KDM1B: variants seen among roughly 807,000 people sequenced by gnomAD.
The protein encoded by KDM1B is lysine-specific histone demethylase 2.
Under a neutral mutation model 107.4 loss-of-function variants are expected in KDM1B, and 63 were observed. The ratio of observed to expected loss-of-function variants is 0.59; its 90% CI spans 0.48 to 0.72. The LOEUF (loss-of-function observed/expected upper bound fraction) is 0.72, where lower values mean the gene tolerates loss of function less well. KDM1B is among the 30% of genes least tolerant of loss of function. KDM1B has a pLI of 0.00. For missense variants in KDM1B, 749 were observed against 1,020.8 expected (o/e 0.73, Z 3.63); for synonymous variants, 363 against 363.9 (o/e 1.00, Z 0.03).
intron 7 of KDM1B, among the ~76,000 whole-genome samples, chr6:18,184,760 T>TTTTTTTTA (rs60640799): frequency 1.5e-5 from 2 of 130,826 alleles, no homozygotes; most frequent in Non-Finnish European, 3.2e-5. Context: ...TTTTTTTTTT[T>TTTTTTTTA]AAGACAAGGT....
Position 18,169,807 on chromosome 6 carries a change from G to A in KDM1B, c.418-1556G>A, listed in dbSNP as rs1785539274. ...TTTTATCTATTTTGAATTAATATTT[G>A]TATATGTGTAAAGTAGGGTGTCTAA... On this transcript the variant is annotated intron_variant, in intron 6 of 21. Transcript: ENST00000650836. Among the ~76,000 whole-genome samples, 5 of 152,190 alleles carry A rather than the reference G, an allele frequency of 3.3e-5. No individual in the cohort carries two copies. In the South Asian group the frequency reaches 1.0e-3, roughly 32 times the overall value.
chr6:18,197,447 C>A lies in KDM1B; in HGVS notation c.1147-140C>A. ...GAAGGGAGTAATAAGACAAGTGCCA[C>A]CACATTCTTTAGGAAAATAACTTTC... On this transcript the variant is annotated intron_variant, in intron 11 of 21. Transcript: ENST00000650836. This position sits in a 1 kb window ranked among gnomAD's most constrained non-coding sequence, Gnocchi z 4.5. The A allele has an allele frequency of 1.2e-6, 1 of 802,254 alleles. No homozygotes were observed. The highest frequency in any genetic ancestry group is 2.7e-5 in the East Asian group (1 of 37,636). The allele number at this position is 802,254 out of a possible 1,614,324, so 49.7% of individuals were successfully genotyped here.
At position 18,197,198 on chromosome 6, in the gene KDM1B, G is replaced by A; in HGVS notation, c.1111G>A (p.Ala371Thr). 6.2e-7 allele frequency: 1 copy of A among 1,614,116 alleles called. No individual in the cohort carries two copies. Among genetic ancestry groups the A allele is most frequent in the Non-Finnish European group, 8.5e-7 (1 of 1,180,012 alleles). The change falls in exon 11 of 22, where the codon GCC (alanine) becomes ACC (threonine). Residue 371 changes from alanine to threonine, a missense_variant. Coordinates refer to ENST00000650836, the MANE Select transcript of KDM1B (RefSeq NM_001364614.2). This position sits in a 1 kb window ranked among gnomAD's most constrained non-coding sequence, Gnocchi z 4.5. ...CAACACTGGAGTTCTCAGCGTGGGAGCCGACCAGTATCTTCTCCCTAAGGA... is the reference window on the plus strand; with the variant it reads ...CAACACTGGAGTTCTCAGCGTGGGAACCGACCAGTATCTTCTCCCTAAGGA... ...LINTGVLSVG[A>T]DQYLLPKDYH...
chr6:18,197,127 A>G lies in KDM1B; in HGVS notation c.1040A>G (p.Gln347Arg), dbSNP rs1302345372. The change falls in exon 11 of 22, where the codon CAG becomes CGG. Residue 347 changes from glutamine to arginine, a missense_variant. Physicochemically the swap from Gln to Arg is conservative, Grantham distance 43 (BLOSUM62 1). Transcript: ENST00000650836. This position sits in a 1 kb window ranked among gnomAD's most constrained non-coding sequence, Gnocchi z 4.5. ...VRGLVRIRCV[Q>R]EVERILYFMT... is the part of the protein sequence containing the mutation. ...GGTCTCGTGCGTATTCGATGCGTTC[A>G]GGAAGTGGAGAGAATACTGTATTTT... The G allele has an allele frequency of 6.2e-7, 1 of 1,614,030 alleles. No individual in the cohort carries two copies. The highest frequency in any genetic ancestry group is 8.5e-7 in the Non-Finnish European group (1 of 1,180,020).
intron 6 of KDM1B, among the ~76,000 whole-genome samples, chr6:18,170,411 C>T (rs932582852): frequency 2.6e-5 from 4 of 152,028 alleles, no homozygotes; most frequent in Non-Finnish European, 4.4e-5. Flanking sequence ...TAGGATCCAA[C>T]GCAGCATACC....
Position 18,197,200 on chromosome 6 carries a change from C to T in KDM1B, c.1113C>T (p.Ala371=), listed in dbSNP as rs141697990. Residue 371 remains alanine, a synonymous_variant, in exon 11 of 22, where the codon GCC becomes GCT. Transcript: ENST00000650836. This position sits in a 1 kb window ranked among gnomAD's most constrained non-coding sequence, Gnocchi z 4.5. ...ACACTGGAGTTCTCAGCGTGGGAGC[C>T]GACCAGTATCTTCTCCCTAAGGACT... ...LINTGVLSVG[A]DQYLLPKDYH... 169 of 1,614,004 alleles carry T rather than the reference C, an allele frequency of 1.0e-4. No homozygotes were observed. In the African/African-American group the frequency reaches 1.2e-3, roughly 11 times the overall value.
chr6:18,180,222 G>A (rs1561921823), intron 7 of KDM1B, among the ~76,000 whole-genome samples: 1 of 152,072 alleles, frequency 6.6e-6, no homozygotes, highest in African/African-American at 2.4e-5. Flanking sequence ...TGGCTGCACT[G>A]ATGGGAGCTG....
chr6:18,206,806 T>G (rs1788405233), intron 15 of KDM1B, among the ~76,000 whole-genome samples: 1 of 152,228 alleles, frequency 6.6e-6, no homozygotes, highest in Admixed American at 6.5e-5. Context: ...GAAACACTGC[T>G]CTCGAGAAGC....
chr6:18,212,366 C>T lies in KDM1B; in HGVS notation c.1867-122C>T, dbSNP rs1218060272. 5.4e-6 allele frequency: 4 copies of T among 745,076 alleles called. No individual in the cohort carries two copies. Among genetic ancestry groups the T allele is most frequent in the Non-Finnish European group, 9.7e-6 (4 of 411,270 alleles). The allele number at this position is 745,076 out of a possible 1,614,324, so 46.2% of individuals were successfully genotyped here. On this transcript the variant is annotated intron_variant, in intron 17 of 21. Coordinates refer to ENST00000650836, the MANE Select transcript of KDM1B (RefSeq NM_001364614.2). The surrounding 1 kb of genome is among the most constrained non-coding windows in gnomAD (Gnocchi z 5.2). ...GCACCCTTGTGCAGTGAGCAACCTGCACAGTTGCACATGGCAGCCCTTGTT... is the reference window on the plus strand; with the variant it reads ...GCACCCTTGTGCAGTGAGCAACCTGTACAGTTGCACATGGCAGCCCTTGTT...
intron 7 of KDM1B, among the ~76,000 whole-genome samples, chr6:18,174,783 C>A (rs1289274217): frequency 6.6e-6 from 1 of 152,124 alleles, no homozygotes; most frequent in Non-Finnish European, 1.5e-5. Flanking sequence ...GCTGCAAATG[C>A]CGTTAATTCA....
In KDM1B at chr6:18,172,599, C is replaced by A. The variant is rs747955832; in HGVS notation, c.534+1120C>A. 5.9e-5 allele frequency among the ~76,000 whole-genome samples: 9 copies of A among 152,126 alleles called. No homozygotes were observed. The highest frequency in any genetic ancestry group is 8.8e-5 in the Non-Finnish European group (6 of 68,030). ...TGCAAACATTCCAAAATCCAAAACA[C>A]TTCTGGTCCCAAGCATTTCAAATAA... On this transcript the variant is annotated intron_variant, in intron 7 of 21. Transcript: ENST00000650836. The surrounding 1 kb of genome is among the most constrained non-coding windows in gnomAD (Gnocchi z 5.2).
At chr6:18,174,434 G>T (rs1785858859) in intron 7 of KDM1B, among the ~76,000 whole-genome samples, 1 of 151,914 alleles carries the variant, frequency 6.6e-6, no homozygotes, top group Non-Finnish European at 1.5e-5. Context: ...ATGGCTCATG[G>T]GCCAAATCTG....
At chr6:18,169,180 C>G (rs373715340) in intron 6 of KDM1B, among the ~76,000 whole-genome samples, 1 of 150,642 alleles carries the variant, frequency 6.6e-6, no homozygotes, top group African/African-American at 2.4e-5. Flanking sequence ...TCTTCCTTTG[C>G]CTTTTTTAAA....
intron 7 of KDM1B, among the ~76,000 whole-genome samples, chr6:18,181,335 G>A (rs533140038): frequency 2.6e-5 from 4 of 152,184 alleles, no homozygotes; most frequent in East Asian, 3.9e-4. Flanking sequence ...AGTTGGTTGT[G>A]TTTAATATAA....
chr6:18,211,364 C>T lies in KDM1B; in HGVS notation c.1867-1124C>T, dbSNP rs1472464900. ...ATATTAGAAAGCAAATACACACACT[C>T]TTCCCCAACTCCCTACAGCAGGTTT... On this transcript the variant is annotated intron_variant, in intron 17 of 21. Transcript: ENST00000650836. This position sits in a 1 kb window ranked among gnomAD's most constrained non-coding sequence, Gnocchi z 5.2. 2 of 152,264 alleles carry T rather than the reference C, an allele frequency of 1.3e-5. No homozygotes were observed. The highest frequency in any genetic ancestry group is 1.3e-4 in the Admixed American group (2 of 15,282). The allele number at this position is 152,264 out of a possible 1,614,324, so 9.4% of individuals were successfully genotyped here.
At chr6:18,170,044 G>A (rs1218589377) in intron 6 of KDM1B, among the ~76,000 whole-genome samples, 1 of 151,886 alleles carries the variant, frequency 6.6e-6, no homozygotes, top group Non-Finnish European at 1.5e-5. Flanking sequence ...GAGTAGCTGC[G>A]ATTACAGGCA....
In KDM1B at chr6:18,222,915, A is replaced by T. The variant is rs1789872600; in HGVS notation, c.*923A>T. The T allele has an allele frequency of 6.6e-6, 1 of 152,642 alleles. No homozygotes were observed. Among genetic ancestry groups the T allele is most frequent in the Non-Finnish European group, 1.5e-5 (1 of 68,034 alleles). 9.5% of individuals were successfully genotyped at this position (152,642 alleles called of 1,614,324 possible). On this transcript the variant is annotated 3_prime_UTR_variant, in exon 22 of 22. Coordinates refer to ENST00000650836, the MANE Select transcript of KDM1B (RefSeq NM_001364614.2). ...CAGATTTTTCTTTACAGTATTCCAT[A>T]GGCAGGTCCACTGGAAAACTGCAGA...
At chr6:18,221,038 CCTT>C (rs146446062) in intron 21 of KDM1B, among the ~76,000 whole-genome samples, 3,918 of 152,144 alleles carry the variant, frequency 0.026, 159 homozygotes, top group African/African-American at 0.089. Context: ...AGCCACCGCT[CCTT>C]CTTCTAAAAA....
At chr6:18,180,049 T>C (rs1786350598) in intron 7 of KDM1B, among the ~76,000 whole-genome samples, 1 of 150,850 alleles carries the variant, frequency 6.6e-6, no homozygotes, top group African/African-American at 2.4e-5. Flanking sequence ...TTTTTTTTTT[T>C]TTTTAATAGA....
Sources: allele counts gnomAD v4.1 joint callset (sites outside exome capture counted in the v4.1 genomes callset), GRCh38; gene constraint gnomAD v4.1.1; non-coding constraint Gnocchi (gnomAD v3.1); transcripts MANE v1.5; gene names NCBI Gene and HGNC (gene_info 2026-07-23, HGNC 2026-07-21).